The following NBPF14 variants were observed in gnomAD, a reference collection of about 807,000 sequenced individuals.
NBPF14 encodes the protein NBPF member 14.
NBPF14 carries 104 observed loss-of-function variants against 91.2 expected under a neutral mutation model. That is an observed-to-expected ratio of 1.14 (90% CI 0.97 to 1.34). NBPF14 has a LOEUF of 1.34. NBPF14 is among the 40% of genes most tolerant of loss of function. The pLI, the probability that NBPF14 is intolerant of heterozygous loss-of-function variation, is 0.00. For synonymous variants in NBPF14, 294 were observed against 303.8 expected (o/e 0.97, Z 0.34); for missense variants, 908 against 783.0 (o/e 1.16, Z -1.91).
chr1:148,587,307 T>C (rs1661714780), exon 8 of NBPF14: 1 of 1,580,760 alleles, frequency 6.3e-7, no homozygotes, highest in African/African-American at 1.4e-5. Context: ...TCACCTGAGC[T>C]CCTCAGCTTG....
chr1:148,539,417 G>A lies in NBPF14; in HGVS notation c.7875C>T (p.Asp2625=), dbSNP rs1655529016. ...TCACAGTAAGGTACTCACTGTCCACGTCAAGAGCCAAGCCAAGGTACTGTT... is the reference window on the plus strand; with the variant it reads ...TCACAGTAAGGTACTCACTGTCCACATCAAGAGCCAAGCCAAGGTACTGTT... Residue 2625 remains aspartate (D), a synonymous_variant, in exon 63 of 71, where the codon GAC becomes GAT. Coordinates refer to ENST00000619423, the Ensembl canonical transcript of NBPF14. 6 of 324,080 alleles carry A rather than the reference G, an allele frequency of 1.9e-5. 1 individual carries two copies. Among genetic ancestry groups the A allele is most frequent in the Middle Eastern group, 8.9e-4 (1 of 1,120 alleles). The allele number at this position is 324,080 out of a possible 1,614,324, so 20.1% of individuals were successfully genotyped here. A position where few individuals can be genotyped will look rare whatever the true frequency, so the allele number is the denominator to read the frequency against.
chr1:148,534,663 C>A (rs1654700720), intron 69 of NBPF14, 21 bp downstream of exon 69: 1 of 822,982 alleles, frequency 1.2e-6, no homozygotes. Context: ...AGGCTTATCA[C>A]CTTCATAGTA....
Position 148,534,188 on chromosome 1 carries a change from G to A in NBPF14, c.8615-219C>T, listed in dbSNP as rs1361145186. ...TAAAATGTCCCTATTCTAGTAGATC[G>A]TTATCCCAATATCATTTGTCCCAAG... is the stretch of plus-strand genomic sequence containing the variant. On this transcript the variant is annotated intron_variant, in intron 69 of 70. Transcript: ENST00000619423. Among the ~76,000 whole-genome samples, 767 of 150,028 alleles carry A rather than the reference G, an allele frequency of 5.1e-3. 10 individuals carry two copies. The highest frequency in any genetic ancestry group is 3.9e-3 in the Non-Finnish European group (264 of 67,810).
exon 25 of NBPF14, chr1:148,569,334 C>G: frequency 1.7e-5 from 7 of 407,824 alleles, no homozygotes; most frequent in Non-Finnish European, 2.5e-5. Context: ...ATGAGTCAGT[C>G]AGTTCAAGAC....
At chr1:148,542,014 T>C (rs1296762322) in intron 59 of NBPF14, among the ~76,000 whole-genome samples, 175 bp from the exon 60 acceptor site, 3 of 43,322 alleles carry the variant, frequency 6.9e-5, no homozygotes, top group Non-Finnish European at 1.0e-4. Flanking sequence ...TCCTCGGTTT[T>C]TCTCCCAGAA....
chr1:148,581,315 CAT>C (rs1189168724), intron 12 of NBPF14, among the ~76,000 whole-genome samples: 1 of 147,772 alleles, frequency 6.8e-6, no homozygotes, highest in Non-Finnish European at 1.5e-5. Flanking sequence ...CCACAATAAA[CAT>C]ATGTGTGCAT....
intron 8 of NBPF14, among the ~76,000 whole-genome samples, chr1:148,586,814 G>A (rs1240057739): frequency 1.4e-5 from 2 of 138,604 alleles, no homozygotes; most frequent in East Asian, 2.0e-4. Flanking sequence ...AGTGCATCTT[G>A]CGGCCACTAG....
chr1:148,561,471 C>G, exon 35 of NBPF14: 1 of 361,154 alleles, frequency 2.8e-6, no homozygotes, highest in South Asian at 2.4e-5. Context: ...TTCCATAGGG[C>G]TGGCAGGAGT....
At chr1:148,560,259 A>G (rs1657581311) in intron 36 of NBPF14, among the ~76,000 whole-genome samples, 2 of 148,092 alleles carry the variant, frequency 1.4e-5, no homozygotes, top group African/African-American at 5.1e-5. Flanking sequence ...GGACACTCTG[A>G]GTTAGTGCCC....
At chr1:148,571,310 G>T (rs1288261716) in intron 22 of NBPF14, among the ~76,000 whole-genome samples, 2 of 80,564 alleles carry the variant, frequency 2.5e-5, no homozygotes, top group African/African-American at 1.6e-4. Context: ...TCAGTGAATT[G>T]TCCAGGTGAC....
intron 64 of NBPF14, among the ~76,000 whole-genome samples, chr1:148,538,265 G>C (rs1655367415): frequency 1.5e-5 from 1 of 66,474 alleles, no homozygotes; most frequent in Admixed American, 1.5e-4. Flanking sequence ...GAGAGAACGA[G>C]CTCAGTGAAT....
chr1:148,549,952 A>AT (rs1655985495), intron 49 of NBPF14, among the ~76,000 whole-genome samples: 1 of 82,092 alleles, frequency 1.2e-5, no homozygotes, highest in Non-Finnish European at 2.0e-5. Flanking sequence ...ATGCCCCCAA[A>AT]TGGCTGCTAA....
intron 16 of NBPF14, among the ~76,000 whole-genome samples, 192 bp from the exon 17 acceptor site, chr1:148,576,003 G>A (rs1307127442): frequency 1.4e-5 from 2 of 146,974 alleles, no homozygotes; most frequent in South Asian, 2.2e-4. Flanking sequence ...GAGAAAGACA[G>A]GGAGAGGGAG....
At chr1:148,593,225 G>T (rs1388590130) in intron 3 of NBPF14, among the ~76,000 whole-genome samples, 1 of 148,678 alleles carries the variant, frequency 6.7e-6, no homozygotes, top group Non-Finnish European at 1.5e-5. Context: ...TTGATTGAGT[G>T]AAAGAATGAG....
chr1:148,566,423 A>T (rs1182357219), intron 28 of NBPF14, 108 bp from the exon 29 acceptor site: 1 of 612,360 alleles, frequency 1.6e-6, no homozygotes, highest in Admixed American at 2.9e-5. Flanking sequence ...AACTAAAAGG[A>T]TAGATCCATT....
Position 148,533,895 on chromosome 1 carries a change from C to G in NBPF14, c.8689G>C (p.Glu2897Gln), listed in dbSNP as rs1296364543. 19 of 758,748 alleles carry G rather than the reference C, an allele frequency of 2.5e-5. No individual in the cohort carries two copies. The East Asian group carries it at 4.6e-4, about 18-fold the overall frequency. The allele number at this position is 758,748 out of a possible 1,614,324, so 47.0% of individuals were successfully genotyped here. Residue 2897 changes from glutamate to glutamine, a missense_variant, in exon 70 of 71, where the codon GAA (glutamate) becomes CAA (glutamine). Glu to Gln is a conservative substitution (Grantham distance 29). Transcript: ENST00000619423. ...GGTGGGTTTTGATCTTCTTCCCCTTCTTTTCTTCCCCTTCTTCTTTCCTTC... is the reference window on the plus strand; with the variant it reads ...GGTGGGTTTTGATCTTCTTCCCCTTGTTTTCTTCCCCTTCTTCTTTCCTTC...
intron 14 of NBPF14, among the ~76,000 whole-genome samples, chr1:148,577,766 G>T (rs1660187862): frequency 7.1e-6 from 1 of 140,272 alleles, no homozygotes; most frequent in African/African-American, 2.8e-5. Flanking sequence ...AGCTTTTGAG[G>T]TATGGTCAAC....
exon 71 of NBPF14, chr1:148,531,465 T>A (rs1305253429): frequency 1.9e-5 from 1 of 54,012 alleles, no homozygotes; most frequent in African/African-American, 8.5e-5. Context: ...ACACTGAATG[T>A]AAAAAACAAT....
At chr1:148,578,105 A>G (rs1479979658) in intron 13 of NBPF14, 71 bp from the exon 14 acceptor site, 2 of 682,278 alleles carry the variant, frequency 2.9e-6, no homozygotes, top group East Asian at 2.5e-5. Flanking sequence ...CCTCTGTCCA[A>G]TCCTAACACA....
Sources: allele counts gnomAD v4.1 joint callset (sites outside exome capture counted in the v4.1 genomes callset), GRCh38; gene constraint gnomAD v4.1.1; transcripts MANE v1.5; gene names NCBI Gene and HGNC (gene_info 2026-07-23, HGNC 2026-07-21).